Variants in ADCY5 observed in about 807,000 individuals in gnomAD.
The protein encoded by ADCY5 is adenylate cyclase type 5.
In ADCY5, 30 loss-of-function variants were observed where a neutral mutation model predicts 119.7. The observed-to-expected ratio is 0.25, with a 90% confidence interval of 0.19 to 0.34. The LOEUF (loss-of-function observed/expected upper bound fraction) is 0.34. ADCY5 is among the 10% of genes least tolerant of loss of function. The probability of loss-of-function intolerance (pLI) is 1.00; values close to 1 mark genes in which losing one functional copy is unlikely to be tolerated. For missense variants in ADCY5, 1,324 were observed against 1,775.2 expected, an observed-to-expected ratio of 0.75 and a Z score of 4.57; for synonymous variants, 753 against 762.2, an observed-to-expected ratio of 0.99 and a Z score of 0.20.
At chr3:123,432,091 C>T (rs1945533721) in intron 1 of ADCY5, among the ~76,000 whole-genome samples, 2 of 152,202 alleles carry the variant, frequency 1.3e-5, no homozygotes, top group Admixed American at 6.5e-5. Flanking sequence ...GCCAGAAAGC[C>T]TAAGTCTCAG....
At chr3:123,445,048 TAC>T (rs1225853037) in intron 1 of ADCY5, among the ~76,000 whole-genome samples, 3 of 152,308 alleles carry the variant, frequency 2.0e-5, no homozygotes, top group East Asian at 3.9e-4. Context: ...CAAAAAAAGA[TAC>T]AGTTTTCTCT....
In ADCY5 at chr3:123,439,326, T is replaced by C. The variant is rs1576698325; in HGVS notation, c.1134+8086A>G. On this transcript the variant is annotated intron_variant, in intron 1 of 20. Transcript: ENST00000462833. ...ATCCGCCTGCTTTGGCCTCCCAAAG[T>C]GCTGGGATTACAGGCATGAGCCACC... 2.0e-5 allele frequency among the ~76,000 whole-genome samples: 3 copies of C among 152,084 alleles called. No homozygotes were observed. In the East Asian group the frequency reaches 5.8e-4, roughly 30 times the overall value.
chr3:123,304,492 G>T (rs1414261166), intron 12 of ADCY5, among the ~76,000 whole-genome samples: 1 of 152,116 alleles, frequency 6.6e-6, no homozygotes, highest in African/African-American at 2.4e-5. Flanking sequence ...TCAATAAAAA[G>T]CACATTGACC....
intron 3 of ADCY5, among the ~76,000 whole-genome samples, chr3:123,342,285 A>G (rs1054548872): frequency 1.3e-5 from 2 of 152,082 alleles, no homozygotes; most frequent in Admixed American, 1.3e-4. Flanking sequence ...ATAATTCAGA[A>G]CCACACTGCA....
chr3:123,444,163 T>G (rs1205789573), intron 1 of ADCY5, among the ~76,000 whole-genome samples: 4 of 152,164 alleles, frequency 2.6e-5, no homozygotes, highest in Admixed American at 1.3e-4. Context: ...GGAATGTGTT[T>G]GGCAGATGCT....
chr3:123,379,272 C>T (rs1943946969), intron 1 of ADCY5, among the ~76,000 whole-genome samples: 2 of 152,184 alleles, frequency 1.3e-5, no homozygotes, highest in Admixed American at 1.3e-4. Context: ...TCCATTCTCA[C>T]CTGGTCCTTT....
intron 1 of ADCY5, among the ~76,000 whole-genome samples, chr3:123,412,114 G>C (rs898168894): frequency 5.3e-5 from 8 of 152,232 alleles, no homozygotes; most frequent in Non-Finnish European, 1.0e-4. Context: ...CCACATAGGG[G>C]AGGATGGGAA....
chr3:123,314,567 G>A (rs746617582), intron 11 of ADCY5, among the ~76,000 whole-genome samples: 10 of 152,244 alleles, frequency 6.6e-5, no homozygotes, highest in South Asian at 2.1e-4. Flanking sequence ...TTCTGGAACC[G>A]TAAGGGTATG....
In ADCY5 at chr3:123,289,579, T is replaced by C. The variant is rs188138842; in HGVS notation, c.3532+171A>G. Among the ~76,000 whole-genome samples, 10 of 152,346 alleles carry C rather than the reference T, an allele frequency of 6.6e-5. No homozygotes were observed. In the East Asian group the frequency reaches 1.9e-3, roughly 29 times the overall value. ...GGCGGATTCCGCTGTGAATGACCCA[T>C]GCCTGCCCCCACCTACTAAGGGCAG... On this transcript the variant is annotated intron_variant, in intron 19 of 20. Coordinates refer to ENST00000462833, the MANE Select transcript of ADCY5 (RefSeq NM_183357.3).
chr3:123,371,666 C>A (rs571544356), intron 1 of ADCY5, among the ~76,000 whole-genome samples: 16 of 152,352 alleles, frequency 1.1e-4, no homozygotes, highest in African/African-American at 3.6e-4. Context: ...GGGGATGAGG[C>A]TGCCACTTCT....
intron 6 of ADCY5, among the ~76,000 whole-genome samples, 187 bp from the exon 7 acceptor site, chr3:123,327,946 C>A (rs571460289): frequency 2.0e-5 from 3 of 152,192 alleles, no homozygotes; most frequent in Admixed American, 6.5e-5. Context: ...GGCTCTCATG[C>A]CCACTGCAAC....
chr3:123,341,629 G>A (rs1446540513), intron 3 of ADCY5, among the ~76,000 whole-genome samples: 1 of 152,048 alleles, frequency 6.6e-6, no homozygotes, highest in Admixed American at 6.5e-5. Flanking sequence ...TGGCTAAGAT[G>A]ATGAGTTTTA....
At chr3:123,428,726 T>A (rs1018691973) in intron 1 of ADCY5, among the ~76,000 whole-genome samples, 3 of 152,174 alleles carry the variant, frequency 2.0e-5, no homozygotes, top group African/African-American at 4.8e-5. Context: ...TAGAACTGCA[T>A]CCCCAGGGCA....
At chr3:123,363,365 G>A (rs1462902436) in intron 1 of ADCY5, among the ~76,000 whole-genome samples, 1 of 152,084 alleles carries the variant, frequency 6.6e-6, no homozygotes, top group Non-Finnish European at 1.5e-5. Context: ...GAATGCAATG[G>A]AATAGGCACC....
chr3:123,379,247 G>A (rs968100628), intron 1 of ADCY5, among the ~76,000 whole-genome samples: 2 of 152,144 alleles, frequency 1.3e-5, no homozygotes, highest in African/African-American at 2.4e-5. Context: ...CAGGCCACTC[G>A]GAGGGAGACA....
At chr3:123,429,862 C>T (rs375751807) in intron 1 of ADCY5, among the ~76,000 whole-genome samples, 4 of 152,184 alleles carry the variant, frequency 2.6e-5, no homozygotes, top group African/African-American at 9.7e-5. Context: ...CCCATACCCA[C>T]GTCCAACCCC....
At chr3:123,397,414 T>C (rs1559861185) in intron 1 of ADCY5, among the ~76,000 whole-genome samples, 2 of 152,316 alleles carry the variant, frequency 1.3e-5, no homozygotes, top group East Asian at 3.9e-4. Flanking sequence ...GGCGGAAGGA[T>C]CCCTTGAGCT....
At chr3:123,328,872 C>A (rs566209319) in intron 5 of ADCY5, 70 bp from the exon 6 acceptor site, 1 of 1,497,784 alleles carries the variant, frequency 6.7e-7, no homozygotes, top group East Asian at 2.3e-5. Context: ...GGTGAGGCTG[C>A]AGGTGCAGGG....
chr3:123,329,011 C>A (rs1941634888), intron 5 of ADCY5, among the ~76,000 whole-genome samples: 1 of 152,208 alleles, frequency 6.6e-6, no homozygotes, highest in African/African-American at 2.4e-5. Flanking sequence ...TGTTCCCGGC[C>A]TGGCCACAAG....
Sources: gnomAD v4.1 joint callset for allele counts (sites outside exome capture counted in the v4.1 genomes callset) on GRCh38, gnomAD v4.1.1 for gene constraint, MANE v1.5 for transcripts, NCBI Gene and HGNC (gene_info 2026-07-23, HGNC 2026-07-21) for gene names.